FRMD4B: variants seen among roughly 807,000 people sequenced by gnomAD.
The protein encoded by FRMD4B is FERM domain-containing protein 4B.
FRMD4B carries 74 observed loss-of-function variants against 141.5 expected under a neutral mutation model. That is an observed-to-expected ratio of 0.52 (90% CI 0.43 to 0.63). The LOEUF is 0.63. Ranked by LOEUF, FRMD4B falls within the 30% of genes least tolerant of loss-of-function variation. The probability of loss-of-function intolerance (pLI) is 0.00; values close to 1 mark genes in which losing one functional copy is unlikely to be tolerated. For missense variants in FRMD4B, 1,366 were observed against 1,253.4 expected, an observed-to-expected ratio of 1.09 and a Z score of -1.36; for synonymous variants, 506 against 467.9, an observed-to-expected ratio of 1.08 and a Z score of -1.05.
At chr3:69,345,263 C>T (rs572254152) in intron 1 of FRMD4B, among the ~76,000 whole-genome samples, 19 of 152,286 alleles carry the variant, frequency 1.2e-4, no homozygotes, top group African/African-American at 3.8e-4. Context: ...TGAGATCGAA[C>T]TGCAAGGAGG....
At chr3:69,477,393 A>G (rs1706021192) in intron 1 of FRMD4B, among the ~76,000 whole-genome samples, 1 of 148,816 alleles carries the variant, frequency 6.7e-6, no homozygotes, top group Non-Finnish European at 1.5e-5. Context: ...TACCTAATTT[A>G]CTGAGAGTTT....
At chr3:69,343,443 T>G (rs1291183396) in intron 1 of FRMD4B, among the ~76,000 whole-genome samples, 1 of 152,158 alleles carries the variant, frequency 6.6e-6, no homozygotes, top group Non-Finnish European at 1.5e-5. Context: ...CTGAATGCTT[T>G]AGGGTCACTG....
intron 5 of FRMD4B, among the ~76,000 whole-genome samples, chr3:69,257,756 G>A (rs2093501491): frequency 6.6e-6 from 1 of 151,768 alleles, no homozygotes; most frequent in African/African-American, 2.4e-5. Flanking sequence ...CGACTTCCCA[G>A]GCTCAAGCAA....
Position 69,536,042 on chromosome 3 carries a change from C to G in FRMD4B, c.-129+6164G>C, listed in dbSNP as rs549918259. ...AAGGGACCTGCGTGGCCTTGTCTGG[C>G]TTAGGGGTGCCTTCCTAGCCTCACC... On this transcript the variant is annotated intron_variant, in intron 1 of 5. Transcript: ENST00000459638. The G allele has an allele frequency of 5.4e-4, 223 of 413,624 alleles. 3 individuals are homozygous for G. The highest frequency in any genetic ancestry group is 4.4e-3 in the South Asian group (214 of 48,342). 25.6% of individuals were successfully genotyped at this position (413,624 alleles called of 1,614,324 possible).
intron 1 of FRMD4B, among the ~76,000 whole-genome samples, chr3:69,489,719 T>C (rs1706272735): frequency 6.6e-6 from 1 of 152,186 alleles, no homozygotes; most frequent in Admixed American, 6.5e-5. Context: ...TAGCCCAGAA[T>C]TCTATTCCTA....
intron 3 of FRMD4B, among the ~76,000 whole-genome samples, chr3:69,304,483 CAA>C (rs1313360753): frequency 8.0e-4 from 54 of 67,600 alleles, no homozygotes; most frequent in African/African-American, 1.8e-3. Flanking sequence ...GATTCTATCT[CAA>C]AAAAAAAAAA....
chr3:69,246,447 T>C (rs1191675080), intron 7 of FRMD4B, among the ~76,000 whole-genome samples: 1 of 151,880 alleles, frequency 6.6e-6, no homozygotes, highest in Non-Finnish European at 1.5e-5. Flanking sequence ...AGAACAATGC[T>C]CTATCTCAAA....
intron 1 of FRMD4B, among the ~76,000 whole-genome samples, chr3:69,464,886 G>A (rs1705758237): frequency 6.6e-6 from 1 of 152,164 alleles, no homozygotes; most frequent in Admixed American, 6.5e-5. Context: ...AAACTCTGCA[G>A]GTCAAATAAC....
intron 2 of FRMD4B, among the ~76,000 whole-genome samples, chr3:69,392,194 A>C (rs1704395817): frequency 6.6e-6 from 1 of 152,228 alleles, no homozygotes. Flanking sequence ...GACAAGACTG[A>C]GACGATCTCT....
At chr3:69,344,536 T>A (rs1702863850) in intron 1 of FRMD4B, among the ~76,000 whole-genome samples, 1 of 152,226 alleles carries the variant, frequency 6.6e-6, no homozygotes, top group Admixed American at 6.5e-5. Context: ...TCAATGTGGA[T>A]TCTGAAGACT....
intron 4 of FRMD4B, among the ~76,000 whole-genome samples, chr3:69,292,271 A>G (rs1002774932): frequency 6.6e-6 from 1 of 152,210 alleles, no homozygotes; most frequent in African/African-American, 2.4e-5. Context: ...GAGAGGGGAC[A>G]GTTGAGCTGA....
chr3:69,461,623 CAAAAAAAAA>C (rs58143332), intron 1 of FRMD4B, among the ~76,000 whole-genome samples: 3 of 43,464 alleles, frequency 6.9e-5, no homozygotes, highest in African/African-American at 1.7e-4. Flanking sequence ...GACTCTGTCT[CAAAAAAAAA>C]AAAAAAAAAA....
chr3:69,504,823 T>C lies in FRMD4B; in HGVS notation c.-129+37383A>G, dbSNP rs188077368. 1.6e-3 allele frequency among the ~76,000 whole-genome samples: 251 copies of C among 152,340 alleles called. 1 individual carries two copies. The highest frequency in any genetic ancestry group is 5.8e-3 in the African/African-American group (240 of 41,592). The stretch of plus-strand genomic sequence containing the variant: ...AGACATGAAAATGCTAGGTGAAAGA[T>C]GATACACATAATTTCTAAACTTTTG... On this transcript the variant is annotated intron_variant, in intron 1 of 5. Coordinates refer to the FRMD4B transcript ENST00000459638.
Position 69,474,457 on chromosome 3 carries a change from T to C in FRMD4B, c.-128-41696A>G, listed in dbSNP as rs112921029. 4.4e-3 allele frequency among the ~76,000 whole-genome samples: 671 copies of C among 152,228 alleles called. 2 individuals are homozygous for C. Among genetic ancestry groups the C allele is most frequent in the South Asian group, 9.5e-3 (46 of 4,818 alleles). On this transcript the variant is annotated intron_variant, in intron 1 of 5. Coordinates refer to the FRMD4B transcript ENST00000459638. The stretch of plus-strand genomic sequence containing the variant: ...GTTCTAGTGTGTGTTCCAAGGGGAA[T>C]TGGGGATGGTTCTGTGACTGACAGT...
At chr3:69,489,554 T>C (rs1237586284) in intron 1 of FRMD4B, among the ~76,000 whole-genome samples, 2 of 152,138 alleles carry the variant, frequency 1.3e-5, no homozygotes, top group Non-Finnish European at 2.9e-5. Flanking sequence ...TTATACCCAC[T>C]AGAATGGCTA....
At chr3:69,389,121 C>T (rs1575783570), upstream of FRMD4B, among the ~76,000 whole-genome samples, 2 of 151,802 alleles carry the variant, frequency 1.3e-5, no homozygotes, top group South Asian at 2.1e-4. Context: ...GCAACCTCCG[C>T]CTCCCGGGTT....
At chr3:69,340,158 C>T (rs1018893266) in intron 1 of FRMD4B, among the ~76,000 whole-genome samples, 2 of 112,126 alleles carry the variant, frequency 1.8e-5, no homozygotes, top group African/African-American at 3.8e-5. Flanking sequence ...TATTTCTTTT[C>T]TTTTCTTTTT....
At chr3:69,245,821 G>C (rs2093421408) in intron 7 of FRMD4B, among the ~76,000 whole-genome samples, 1 of 147,516 alleles carries the variant, frequency 6.8e-6, no homozygotes, top group Admixed American at 6.8e-5. Context: ...CTGCGAACGT[G>C]CCAGGCTAAT....
chr3:69,536,213 G>T, intron 1 of FRMD4B: 1 of 593,838 alleles, frequency 1.7e-6, no homozygotes, highest in Non-Finnish European at 3.1e-6. Flanking sequence ...ATCCTCCTTG[G>T]CCTCACTTGG....
Sources: gnomAD v4.1 joint callset for allele counts (sites outside exome capture counted in the v4.1 genomes callset) on GRCh38, gnomAD v4.1.1 for gene constraint, MANE v1.5 for transcripts, NCBI Gene and HGNC (gene_info 2026-07-23, HGNC 2026-07-21) for gene names.